Variants in DROSHA observed in about 807,000 individuals in gnomAD.
DROSHA encodes drosha ribonuclease III.
In DROSHA, 56 loss-of-function variants were observed where a neutral mutation model predicts 181.9. The observed-to-expected ratio is 0.31, with a 90% confidence interval of 0.25 to 0.38. The LOEUF (loss-of-function observed/expected upper bound fraction) is 0.38, where lower values mean the gene tolerates loss of function less well. Among genes scored for constraint, DROSHA ranks in the 10% least tolerant of loss-of-function variants. The pLI is 1.00. For synonymous variants in DROSHA, 524 were observed against 591.2 expected, an observed-to-expected ratio of 0.89 and a Z score of 1.65; for missense variants, 1,218 against 1,743.5, an observed-to-expected ratio of 0.70 and a Z score of 5.37.
At chr5:31,494,373 A>G (rs1580292927) in intron 12 of DROSHA, among the ~76,000 whole-genome samples, 1 of 152,250 alleles carries the variant, frequency 6.6e-6, no homozygotes, top group South Asian at 2.1e-4. Flanking sequence ...AACATTATCT[A>G]TTAAGAACAA....
intron 15 of DROSHA, 133 bp from the exon 16 acceptor site, chr5:31,483,761 C>T (rs1470283190): frequency 9.1e-6 from 7 of 767,142 alleles, no homozygotes; most frequent in Non-Finnish European, 1.5e-5. Flanking sequence ...AAAATTACCA[C>T]CACCTCCTGC....
Position 31,435,839 on chromosome 5 carries a change from T to C in DROSHA, c.2968A>G (p.Ser990Gly), listed in dbSNP as rs1744719291. The C allele has an allele frequency of 4.3e-6, 7 of 1,612,912 alleles. No homozygotes were observed. Among genetic ancestry groups the C allele is most frequent in the Non-Finnish European group, 5.9e-6 (7 of 1,179,656 alleles). ...GTTGCTAATCCTCCTTCTTCCAGAC[T>C]AGGAAACAAATAGTACAAATGGACG... is the stretch of plus-strand genomic sequence containing the variant. ...TSVHLYYLFP[S>G]LEEGGLATYR... The change falls in exon 25 of 36, where the codon AGT becomes GGT. Residue 990 changes from serine (S) to glycine (G), a missense_variant. By Grantham distance (56) the Ser-to-Gly change is moderately conservative (BLOSUM62 0). Coordinates refer to ENST00000344624, the MANE Select transcript of DROSHA (RefSeq NM_001382508.1).
At chr5:31,431,787 G>A (rs1038221606) in intron 25 of DROSHA, 109 bp from the exon 26 acceptor site, 16 of 898,636 alleles carry the variant, frequency 1.8e-5, no homozygotes, top group African/African-American at 3.3e-5. Flanking sequence ...TGGGGGCAGC[G>A]TAATGGTTAC....
chr5:31,506,931 T>A (rs765480802), intron 10 of DROSHA, among the ~76,000 whole-genome samples: 91 of 152,290 alleles, frequency 6.0e-4, no homozygotes, highest in Non-Finnish European at 9.4e-4. Context: ...AAAGACTGTT[T>A]ACAAAGCACT....
At chr5:31,419,799 AC>A (rs1410735757) in intron 30 of DROSHA, among the ~76,000 whole-genome samples, 1 of 152,212 alleles carries the variant, frequency 6.6e-6, no homozygotes, top group Non-Finnish European at 1.5e-5. Flanking sequence ...AGATACTCTG[AC>A]ACGTATGAAG....
intron 30 of DROSHA, among the ~76,000 whole-genome samples, chr5:31,415,004 T>C (rs1347457083): frequency 6.6e-6 from 1 of 152,222 alleles, no homozygotes; most frequent in African/African-American, 2.4e-5. Flanking sequence ...CCAATGTAAA[T>C]ATCCCAGATC....
At chr5:31,458,322 T>C (rs1341825094) in intron 20 of DROSHA, among the ~76,000 whole-genome samples, 1 of 152,208 alleles carries the variant, frequency 6.6e-6, no homozygotes, top group Non-Finnish European at 1.5e-5. Flanking sequence ...ATATTGGTGG[T>C]GGTGCTGTTA....
intron 6 of DROSHA, 86 bp downstream of exon 6, chr5:31,521,037 G>T: frequency 7.5e-7 from 1 of 1,326,408 alleles, no homozygotes; most frequent in Non-Finnish European, 1.1e-6. Flanking sequence ...CCATTATGAA[G>T]ACTTGGCTGT....
Position 31,409,442 on chromosome 5 carries a change from GC to G in DROSHA, c.3668-111del. 1.1e-6 allele frequency: 1 copy of G among 933,810 alleles called. No homozygotes were observed. Among genetic ancestry groups the G allele is most frequent in the Non-Finnish European group, 1.6e-6 (1 of 623,518 alleles). 57.8% of individuals were successfully genotyped at this position (933,810 alleles called of 1,614,324 possible). ...TTTTAGTAATAGTTTCAACTTCCAGGCCCTCTTTATTTTTCAGTGCTACCAT... is the reference window on the plus strand; with the variant it reads ...TTTTAGTAATAGTTTCAACTTCCAGGCCTCTTTATTTTTCAGTGCTACCAT... On this transcript the variant is annotated intron_variant, in intron 31 of 35. Coordinates refer to ENST00000344624, the MANE Select transcript of DROSHA (RefSeq NM_001382508.1). This position sits in a 1 kb window ranked among gnomAD's most constrained non-coding sequence, Gnocchi z 4.0.
At chr5:31,402,381 A>G (rs1048279770) in intron 35 of DROSHA, among the ~76,000 whole-genome samples, 1 of 82,412 alleles carries the variant, frequency 1.2e-5, no homozygotes, top group Non-Finnish European at 2.4e-5. Context: ...GTAATGTACA[A>G]TAACATTCTG....
At chr5:31,483,890 T>C (rs543896744) in intron 15 of DROSHA, among the ~76,000 whole-genome samples, 2 of 152,280 alleles carry the variant, frequency 1.3e-5, no homozygotes, top group Admixed American at 6.5e-5. Flanking sequence ...AGCAAATACA[T>C]ACAGTAAAAT....
chr5:31,526,004 T>C, intron 5 of DROSHA, 75 bp downstream of exon 5: 1 of 1,405,638 alleles, frequency 7.1e-7, no homozygotes, highest in Non-Finnish European at 9.6e-7. Context: ...TCCTTTTGGT[T>C]TGGTTGTCAT....
intron 10 of DROSHA, 102 bp from the exon 11 acceptor site, chr5:31,504,737 G>A: frequency 8.7e-7 from 1 of 1,147,170 alleles, no homozygotes; most frequent in African/African-American, 1.5e-5. Context: ...CATGAGCGCT[G>A]AAGCTCTGAG....
intron 19 of DROSHA, 77 bp from the exon 20 acceptor site, chr5:31,464,420 T>C (rs1210363230): frequency 7.6e-7 from 1 of 1,311,688 alleles, no homozygotes. Context: ...CATTAGAAAA[T>C]AAGTTGGATT....
intron 14 of DROSHA, among the ~76,000 whole-genome samples, chr5:31,485,828 G>A (rs1225028300): frequency 6.6e-6 from 1 of 152,082 alleles, no homozygotes; most frequent in Non-Finnish European, 1.5e-5. Flanking sequence ...CATTAAACAA[G>A]GTTTGCAAGC....
At chr5:31,491,986 G>A (rs1048280689) in intron 13 of DROSHA, among the ~76,000 whole-genome samples, 1 of 152,106 alleles carries the variant, frequency 6.6e-6, no homozygotes, top group African/African-American at 2.4e-5. Flanking sequence ...TAGAGACGGG[G>A]TTTCGCCATG....
chr5:31,474,126 T>A (rs1750080750), intron 16 of DROSHA, among the ~76,000 whole-genome samples: 1 of 152,178 alleles, frequency 6.6e-6, no homozygotes, highest in Admixed American at 6.5e-5. Flanking sequence ...TTAATCAAAG[T>A]TCTAAAGACA....
At chr5:31,530,370 C>T (rs559522988) in intron 3 of DROSHA, among the ~76,000 whole-genome samples, 1 of 152,192 alleles carries the variant, frequency 6.6e-6, no homozygotes, top group East Asian at 1.9e-4. Flanking sequence ...CTACTCACTG[C>T]CAACAGAATC....
intron 16 of DROSHA, among the ~76,000 whole-genome samples, chr5:31,474,217 T>C (rs1377666727): frequency 6.6e-6 from 1 of 152,242 alleles, no homozygotes; most frequent in Non-Finnish European, 1.5e-5. Flanking sequence ...AGATATGTTA[T>C]ATCTACTAAT....
Sources: gnomAD v4.1 joint callset for allele counts (sites outside exome capture counted in the v4.1 genomes callset) on GRCh38, gnomAD v4.1.1 for gene constraint, Gnocchi (gnomAD v3.1) non-coding constraint, MANE v1.5 for transcripts, NCBI Gene and HGNC (gene_info 2026-07-23, HGNC 2026-07-21) for gene names.